ALOX5: variants seen among roughly 807,000 people sequenced by gnomAD.
ALOX5 encodes polyunsaturated fatty acid 5-lipoxygenase.
In ALOX5, 64 loss-of-function variants were observed where a neutral mutation model predicts 87.9. The ratio of observed to expected loss-of-function variants is 0.73; its 90% CI spans 0.60 to 0.90. The LOEUF (loss-of-function observed/expected upper bound fraction) is 0.90. ALOX5 is among the 40% of genes least tolerant of loss of function. The pLI is 0.00. For synonymous variants in ALOX5, 388 were observed against 355.1 expected, an observed-to-expected ratio of 1.09 and a Z score of -1.04; for missense variants, 822 against 907.5, an observed-to-expected ratio of 0.91 and a Z score of 1.21.
At chr10:45,374,512 C>T (rs1839513318) in intron 1 of ALOX5, 83 bp downstream of exon 1, 4 of 1,292,678 alleles carry the variant, frequency 3.1e-6, no homozygotes, top group East Asian at 3.0e-5. Flanking sequence ...TGGGCGGGGG[C>T]GCCGAGGGCC....
intron 4 of ALOX5, among the ~76,000 whole-genome samples, chr10:45,413,375 T>G (rs373337270): frequency 6.6e-6 from 1 of 152,200 alleles, no homozygotes; most frequent in Non-Finnish European, 1.5e-5. Flanking sequence ...AGAAAAGGCC[T>G]TTGACAAAAT....
chr10:45,440,361 C>T (rs962999571), intron 7 of ALOX5, 69 bp from the exon 8 acceptor site: 4 of 1,504,576 alleles, frequency 2.7e-6, no homozygotes, highest in South Asian at 2.4e-5. Context: ...TCCCAAGAGG[C>T]GAAGTTCTCC....
At chr10:45,408,267 A>G (rs1840949663) in intron 3 of ALOX5, among the ~76,000 whole-genome samples, 1 of 152,134 alleles carries the variant, frequency 6.6e-6, no homozygotes, top group South Asian at 2.1e-4. Flanking sequence ...CATGCACCCA[A>G]GGTGGTTGGG....
At chr10:45,394,096 A>G (rs916543459) in intron 2 of ALOX5, among the ~76,000 whole-genome samples, 2 of 152,250 alleles carry the variant, frequency 1.3e-5, no homozygotes, top group African/African-American at 4.8e-5. Context: ...CAGAATTGGA[A>G]AAATCTACGT....
At chr10:45,433,207 C>G (rs1841964173) in intron 7 of ALOX5, among the ~76,000 whole-genome samples, 1 of 152,210 alleles carries the variant, frequency 6.6e-6, no homozygotes, top group Non-Finnish European at 1.5e-5. Flanking sequence ...TGCAGCCTGG[C>G]AGTGTTCACG....
chr10:45,443,231 G>A lies in ALOX5; in HGVS notation c.1451+15G>A, dbSNP rs1842299179. 2.5e-6 allele frequency: 4 copies of A among 1,609,668 alleles called. No homozygotes were observed. The highest frequency in any genetic ancestry group is 1.3e-5 in the African/African-American group (1 of 75,002). On this transcript the variant is annotated intron_variant, in intron 10 of 13. Coordinates refer to ENST00000374391, the MANE Select transcript of ALOX5 (RefSeq NM_000698.5). Reference sequence around the variant, plus strand: ...GCCATCAGGACGTGAGCGCCCGCGGGGCGGTGGTCCTGGGGGAGGAGCCGG... The same window carrying A: ...GCCATCAGGACGTGAGCGCCCGCGGAGCGGTGGTCCTGGGGGAGGAGCCGG...
intron 2 of ALOX5, among the ~76,000 whole-genome samples, chr10:45,388,577 CAG>C (rs903548297): frequency 1.3e-5 from 2 of 152,258 alleles, no homozygotes; most frequent in Non-Finnish European, 2.9e-5. Context: ...CTCGGGCAAA[CAG>C]GGTCTGGAGT....
chr10:45,426,784 C>T (rs1343642701), intron 6 of ALOX5, among the ~76,000 whole-genome samples: 1 of 152,210 alleles, frequency 6.6e-6, no homozygotes. Flanking sequence ...CGCTCCATGT[C>T]TCAATCCTCT....
intron 4 of ALOX5, among the ~76,000 whole-genome samples, chr10:45,415,138 A>AT (rs1841228507): frequency 6.6e-6 from 1 of 152,224 alleles, no homozygotes; most frequent in Admixed American, 6.5e-5. Context: ...ATGCACACGT[A>AT]TGTTTATTGT....
intron 5 of ALOX5, 61 bp downstream of exon 5, chr10:45,424,208 GAT>G (rs1841612658): frequency 7.1e-7 from 1 of 1,408,186 alleles, no homozygotes; most frequent in African/African-American, 1.4e-5. Flanking sequence ...TCTCCTGTCT[GAT>G]ACTTGCCGGG....
At chr10:45,413,225 A>G (rs1841139062) in intron 4 of ALOX5, among the ~76,000 whole-genome samples, 1 of 152,206 alleles carries the variant, frequency 6.6e-6, no homozygotes, top group Non-Finnish European at 1.5e-5. Flanking sequence ...CCAGCAGTAC[A>G]TCAGAAAGCT....
intron 7 of ALOX5, among the ~76,000 whole-genome samples, chr10:45,431,548 G>GTTAT (rs34431757): frequency 0.096 from 14,220 of 148,512 alleles, 762 homozygotes; most frequent in Middle Eastern, 0.13. Context: ...AAACTATAAA[G>GTTAT]TTATTTATTT....
chr10:45,406,411 T>C (rs1446820876), intron 3 of ALOX5, among the ~76,000 whole-genome samples: 1 of 152,220 alleles, frequency 6.6e-6, no homozygotes, highest in African/African-American at 2.4e-5. Context: ...TATCTCACTG[T>C]TCTTTCTTAA....
Position 45,395,908 on chromosome 10 carries a change from G to T in ALOX5, c.403G>T (p.Glu135Ter). ...CATTCTCAAGCAACACCGACGTAAA[G>T]AACTGGAAACACGGCAAAAACAATA... is the stretch of plus-strand genomic sequence containing the variant. The part of the protein sequence containing the change: ...IHILKQHRRK[E>*]LETRQKQYRW... The change falls in exon 3 of 14, where the codon GAA becomes TAA. Residue 135 changes from glutamate to a stop codon, truncating the protein, a stop_gained. Transcript: ENST00000374391. LOFTEE classifies it high-confidence loss of function. 6.2e-7 allele frequency: 1 copy of T among 1,614,254 alleles called. No individual in the cohort carries two copies. Among genetic ancestry groups the T allele is most frequent in the South Asian group, 1.1e-5 (1 of 91,088 alleles).
At chr10:45,383,128 G>A (rs1356074382) in intron 2 of ALOX5, among the ~76,000 whole-genome samples, 5 of 152,280 alleles carry the variant, frequency 3.3e-5, no homozygotes, top group Admixed American at 6.5e-5. Flanking sequence ...CCTAGGGAGG[G>A]AAGGGGTGGA....
chr10:45,385,253 C>A (rs1250434905), intron 2 of ALOX5, among the ~76,000 whole-genome samples: 2 of 152,146 alleles, frequency 1.3e-5, no homozygotes, highest in African/African-American at 4.8e-5. Flanking sequence ...CATATGATCA[C>A]CCCTTAAATC....
intron 1 of ALOX5, among the ~76,000 whole-genome samples, chr10:45,376,675 A>G (rs1839625141): frequency 1.3e-5 from 2 of 152,182 alleles, no homozygotes. Context: ...ATCATTTCCA[A>G]GTTATTGGCA....
intron 7 of ALOX5, among the ~76,000 whole-genome samples, chr10:45,434,030 CTT>C (rs1841991445): frequency 6.6e-6 from 1 of 152,238 alleles, no homozygotes; most frequent in Non-Finnish European, 1.5e-5. Flanking sequence ...CTGTTACCCT[CTT>C]GTTTGTCAAG....
At chr10:45,395,108 A>G (rs551146321) in intron 2 of ALOX5, among the ~76,000 whole-genome samples, 18 of 152,348 alleles carry the variant, frequency 1.2e-4, no homozygotes, top group Non-Finnish European at 2.5e-4. Flanking sequence ...ATTACTGGGT[A>G]TATACCCAAA....
Sources: gnomAD v4.1 joint callset for allele counts (sites outside exome capture counted in the v4.1 genomes callset) on GRCh38, gnomAD v4.1.1 for gene constraint, MANE v1.5 for transcripts, NCBI Gene and HGNC (gene_info 2026-07-23, HGNC 2026-07-21) for gene names.